SEPTIN4: variants seen among roughly 807,000 people sequenced by gnomAD.
SEPTIN4 encodes the protein septin 4, also known as septin-4.
Under a neutral mutation model 107.1 loss-of-function variants are expected in SEPTIN4, and 52 were observed. That is an observed-to-expected ratio of 0.49 (90% confidence interval 0.39 to 0.61). The LOEUF (loss-of-function observed/expected upper bound fraction) is 0.61. SEPTIN4 is among the 20% of genes least tolerant of loss of function. SEPTIN4 has a pLI of 0.00. For missense variants in SEPTIN4, 1,048 were observed against 1,243.5 expected (o/e 0.84, Z 2.36); for synonymous variants, 417 against 467.0 (o/e 0.89, Z 1.38).
intron 3 of SEPTIN4, 87 bp downstream of exon 3, chr17:58,540,579 C>A (rs2043851989): frequency 1.1e-5 from 12 of 1,086,738 alleles, no homozygotes; most frequent in Non-Finnish European, 2.4e-6. Flanking sequence ...TCCCTCCATG[C>A]CCACTCCCAT....
At position 58,543,758 on chromosome 17, in the gene SEPTIN4, G is replaced by C. The variant is rs1219485758; in HGVS notation, c.429C>G (p.Val143=). The C allele has an allele frequency of 5.6e-6, 9 of 1,614,146 alleles. No individual in the cohort carries two copies. In the Middle Eastern group the frequency reaches 1.2e-3, roughly 207 times the overall value. ...CTGGGATTGATGAAGCATGATGGCC[G>C]ACCTCGCGCCCTGACTTGCTCTCAC... The part of the protein sequence containing the change: ...RGSESKSGRE[V]GHHASSIPDA... The change falls in exon 1 of 14, where the codon GTC becomes GTG. Residue 143 remains valine, a synonymous_variant. Coordinates refer to ENST00000672673, the MANE Select transcript of SEPTIN4 (RefSeq NM_001368771.2).
At chr17:58,542,439 T>C (rs1196197387) in intron 1 of SEPTIN4, among the ~76,000 whole-genome samples, 187 bp downstream of exon 1, 1 of 152,100 alleles carries the variant, frequency 6.6e-6, no homozygotes, top group Non-Finnish European at 1.5e-5. Flanking sequence ...ATCAATGTCA[T>C]TAGCTTGGAG....
rs1488077618 is a variant in SEPTIN4 at position 58,527,921 on chromosome 17, A to G, written c.1615-943T>C. The G allele has an allele frequency of 3.0e-6, 3 of 985,622 alleles. No homozygotes were observed. In the East Asian group the frequency reaches 3.4e-4, roughly 112 times the overall value. The allele number at this position is 985,622 out of a possible 1,614,324, so 61.1% of individuals were successfully genotyped here. On this transcript the variant is annotated intron_variant, in intron 3 of 13. Transcript: ENST00000672673. ...AGAGAATGGACTGACTCCTCTGTAGAAGCCTGTTCTACCCCATCCTCAGCT... is the reference window on the plus strand; with the variant it reads ...AGAGAATGGACTGACTCCTCTGTAGGAGCCTGTTCTACCCCATCCTCAGCT...
At chr17:58,531,902 G>A (rs997608863) in intron 3 of SEPTIN4, 2 of 1,125,400 alleles carry the variant, frequency 1.8e-6, no homozygotes, top group South Asian at 8.6e-5. Flanking sequence ...GCCCGGGAGC[G>A]ACCGGCCCTG....
chr17:58,526,688 G>A lies in SEPTIN4; in HGVS notation c.1905C>T (p.Ser635=). The change falls in exon 4 of 14, where the codon TCC becomes TCT. Residue 635 remains serine, a synonymous_variant. Transcript: ENST00000672673. ...GCAGGGCTGGAGGCTCTACCTCAGA[G>A]GAATCATAGGGATCAAGCTTGCCCC... ...SPWGKLDPYD[S]SEDDKEYVGF... 2 of 1,567,244 alleles carry A rather than the reference G, an allele frequency of 1.3e-6. No homozygotes were observed. Among genetic ancestry groups the A allele is most frequent in the South Asian group, 2.4e-5 (2 of 83,518 alleles).
chr17:58,536,993 T>C (rs1310803226), intron 3 of SEPTIN4, among the ~76,000 whole-genome samples: 7 of 152,238 alleles, frequency 4.6e-5, no homozygotes, highest in African/African-American at 7.2e-5. Flanking sequence ...AGATGTGATG[T>C]TGGAGATGGG....
At position 58,521,394 on chromosome 17, in the gene SEPTIN4, CTCTT is replaced by C; in HGVS notation, c.2572-48_2572-45del. The C allele has an allele frequency of 6.3e-7, 1 of 1,595,592 alleles. No individual in the cohort carries two copies. Among genetic ancestry groups the C allele is most frequent in the Non-Finnish European group, 8.6e-7 (1 of 1,163,174 alleles). On this transcript the variant is annotated intron_variant, in intron 10 of 13. Coordinates refer to ENST00000672673, the MANE Select transcript of SEPTIN4 (RefSeq NM_001368771.2). This position sits in a 1 kb window ranked among gnomAD's most constrained non-coding sequence, Gnocchi z 6.4. The stretch of plus-strand genomic sequence containing the variant: ...GCCTGTCAGCACCCTCTGTTCTCAC[CTCTT>C]TCTTTCCACCTGTATCGTCATCTTC...
Position 58,538,873 on chromosome 17 carries a change from C to T in SEPTIN4, c.1614+1793G>A, listed in dbSNP as rs539715281. Among the ~76,000 whole-genome samples the T allele has an allele frequency of 2.4e-4, 37 of 152,342 alleles. No homozygotes were observed. Among genetic ancestry groups the T allele is most frequent in the African/African-American group, 8.4e-4 (35 of 41,570 alleles). ...GTGAAGCTCAACAACAAACATGATG[C>T]CTTCCACAAGCCAGGCATCGTGGCC... is the stretch of plus-strand genomic sequence containing the variant. On this transcript the variant is annotated intron_variant, in intron 3 of 13. Transcript: ENST00000672673. The surrounding 1 kb of genome is among the most constrained non-coding windows in gnomAD (Gnocchi z 4.7).
chr17:58,537,456 CT>C (rs1258045599), intron 3 of SEPTIN4, among the ~76,000 whole-genome samples: 1 of 152,166 alleles, frequency 6.6e-6, no homozygotes, highest in Non-Finnish European at 1.5e-5. Flanking sequence ...CCCATGGTAG[CT>C]GGAAATGAAC....
rs1465080302 is a variant in SEPTIN4 at position 58,521,243 on chromosome 17, C to T, written c.2668+11G>A. 3.1e-6 allele frequency: 5 copies of T among 1,614,062 alleles called. No individual in the cohort carries two copies. The highest frequency in any genetic ancestry group is 4.2e-6 in the Non-Finnish European group (5 of 1,180,014). On this transcript the variant is annotated intron_variant, in intron 11 of 13. Transcript: ENST00000672673. The surrounding 1 kb of genome is among the most constrained non-coding windows in gnomAD (Gnocchi z 6.4). ...CAAGGAGATACCCTGGTCACAGGCT[C>T]AGTGCTTTACCTTCCACGATGCCCC... is the stretch of plus-strand genomic sequence containing the variant.
rs769593731 is a variant in SEPTIN4, at chr17:58,521,367, G to C, written c.2572-17C>G. 6.2e-7 allele frequency: 1 copy of C among 1,610,524 alleles called. No homozygotes were observed. Among genetic ancestry groups the C allele is most frequent in the Non-Finnish European group, 8.5e-7 (1 of 1,176,818 alleles). On this transcript the variant is annotated splice_polypyrimidine_tract_variant and intron_variant, in intron 10 of 13. Transcript: ENST00000672673. The surrounding 1 kb of genome is among the most constrained non-coding windows in gnomAD (Gnocchi z 6.4). ...GATGCTTTCCTGGAAGAGGTTAGGGGTGCCTGTCAGCACCCTCTGTTCTCA... is the reference window on the plus strand; with the variant it reads ...GATGCTTTCCTGGAAGAGGTTAGGGCTGCCTGTCAGCACCCTCTGTTCTCA...
Position 58,541,975 on chromosome 17 carries a change from AAC to A in SEPTIN4, c.1562-11_1562-10del. On this transcript the variant is annotated splice_polypyrimidine_tract_variant and intron_variant, in intron 1 of 13. Coordinates refer to ENST00000672673, the MANE Select transcript of SEPTIN4 (RefSeq NM_001368771.2). ...CATTTCCTCAGAGACATCTGAAAGT[AAC>A]AGAGAGATGGTTGCTTTTCTTCTCT... is the stretch of plus-strand genomic sequence containing the variant. The A allele has an allele frequency of 2.5e-6, 4 of 1,613,418 alleles. No homozygotes were observed. Among genetic ancestry groups the A allele is most frequent in the African/African-American group, 1.3e-5 (1 of 75,046 alleles).
chr17:58,532,899 T>C (rs2043571089), intron 3 of SEPTIN4, among the ~76,000 whole-genome samples: 1 of 152,062 alleles, frequency 6.6e-6, no homozygotes, highest in Admixed American at 6.5e-5. Context: ...GAGTGGGGTG[T>C]TGGTGAGGGA....
rs267604971 is a variant in SEPTIN4 at position 58,543,099 on chromosome 17, G to A, written c.1088C>T (p.Ser363Phe). The A allele has an allele frequency of 6.2e-7, 1 of 1,612,632 alleles. No individual in the cohort carries two copies. Among genetic ancestry groups the A allele is most frequent in the African/African-American group, 1.3e-5 (1 of 74,950 alleles). Residue 363 changes from serine (S) to phenylalanine (F), a missense_variant, in exon 1 of 14, where the codon TCC (serine) becomes TTC (phenylalanine). Physicochemically the swap from Ser to Phe is radical, Grantham distance 155. Coordinates refer to ENST00000672673, the MANE Select transcript of SEPTIN4 (RefSeq NM_001368771.2). ...GATGGGCTCTGGAGTAACAAACATG[G>A]ATGACTTGTGGGAGCCCTCAGACAC... ...PSVSEGSHKS[S>F]MFVTPEPIYK...
chr17:58,525,271 C>A, intron 6 of SEPTIN4, 70 bp from the exon 7 acceptor site: 1 of 1,583,856 alleles, frequency 6.3e-7, no homozygotes, highest in Non-Finnish European at 8.6e-7. Flanking sequence ...CCGCCCACCC[C>A]AACCAGCCTT....
chr17:58,529,347 G>A (rs2043258140), intron 3 of SEPTIN4: 31 of 1,475,670 alleles, frequency 2.1e-5, no homozygotes, highest in Non-Finnish European at 2.8e-5. Context: ...GGCCAAAAAA[G>A]CCTGTGGAAT....
Position 58,543,981 on chromosome 17 carries a change from C to G in SEPTIN4, c.206G>C (p.Arg69Pro). The change falls in exon 1 of 14, where the codon CGA becomes CCA. Residue 69 changes from arginine (R) to proline (P), a missense_variant. By Grantham distance (103) the Arg-to-Pro change is moderately radical. Around this residue, in one of 2 missense-constraint regions of SEPTIN4, gnomAD observed 787 missense variants for 871.8 expected, o/e 0.90. Coordinates refer to ENST00000672673, the MANE Select transcript of SEPTIN4 (RefSeq NM_001368771.2). ...TTPHSASDYP[R>P]SVSLQSGPGH... ...AGGTCCTGACTGGAGGGAGACAGAT[C>G]GAGGGTAGTCTGATGCTGAATGGGG... The G allele has an allele frequency of 6.2e-7, 1 of 1,613,810 alleles. No homozygotes were observed. Among genetic ancestry groups the G allele is most frequent in the South Asian group, 1.1e-5 (1 of 91,058 alleles).
At chr17:58,528,071 A>G (rs2043125697) in intron 3 of SEPTIN4, 1 of 979,816 alleles carries the variant, frequency 1.0e-6, no homozygotes, top group Non-Finnish European at 1.2e-6. Flanking sequence ...CTGCCTCACA[A>G]TACCCACGTG....
chr17:58,543,006 G>C lies in SEPTIN4; in HGVS notation c.1181C>G (p.Pro394Arg). Residue 394 changes from proline to arginine, a missense_variant, in exon 1 of 14, where the codon CCA (proline) becomes CGA (arginine). Physicochemically the swap from Pro to Arg is moderately radical, Grantham distance 103 (BLOSUM62 -2). Transcript: ENST00000672673. ...YMSQGPTPRY[P>R]ELSQKPSIHA... The stretch of plus-strand genomic sequence containing the variant: ...GATGGAGGGCTTTTGCGAGAGTTCT[G>C]GATACCTGGGTGTAGGTCCTTGGGA... 1 of 1,612,220 alleles carries C rather than the reference G, an allele frequency of 6.2e-7. No homozygotes were observed. The highest frequency in any genetic ancestry group is 1.1e-5 in the South Asian group (1 of 90,796).
Sources: gnomAD v4.1 joint callset for allele counts (sites outside exome capture counted in the v4.1 genomes callset) on GRCh38, gnomAD v4.1.1 for gene constraint, gnomAD v4.1.1 regional missense constraint, Gnocchi (gnomAD v3.1) non-coding constraint, MANE v1.5 for transcripts, NCBI Gene and HGNC (gene_info 2026-07-23, HGNC 2026-07-21) for gene names.